LPIN1: variants seen among roughly 807,000 people sequenced by gnomAD.
LPIN1 encodes the protein lipin 1, also known as phosphatidate phosphatase LPIN1.
A neutral mutation model predicts 107.5 loss-of-function variants in LPIN1; 71 were observed. That is an observed-to-expected ratio of 0.66 (90% confidence interval 0.55 to 0.80). LPIN1 has a LOEUF of 0.80. LPIN1 is among the 30% of genes least tolerant of loss of function. LPIN1 has a pLI of 0.00. For synonymous variants in LPIN1, 445 were observed against 452.6 expected, an observed-to-expected ratio of 0.98 and a Z score of 0.21; for missense variants, 1,043 against 1,160.6, an observed-to-expected ratio of 0.90 and a Z score of 1.47.
intron 13 of LPIN1, among the ~76,000 whole-genome samples, chr2:11,794,737 C>T (rs900931260): frequency 2.0e-5 from 3 of 152,216 alleles, no homozygotes; most frequent in Non-Finnish European, 2.9e-5. Flanking sequence ...TCCTCCTTTG[C>T]CTGCTATGTG....
intron 1 of LPIN1, among the ~76,000 whole-genome samples, chr2:11,693,814 ATATATATATTTTTTTTTTTTT>A (rs1464468314): frequency 3.0e-5 from 1 of 32,956 alleles, no homozygotes; most frequent in Non-Finnish European, 6.7e-5. Context: ...ATATATATAT[ATATATATATTTTTTTTTTTTT>A]TTTTTTTTTT....
rs192562131 is a variant in LPIN1 at position 11,685,689 on chromosome 2, C to T, written c.81+7961C>T. 1.4e-4 allele frequency among the ~76,000 whole-genome samples: 21 copies of T among 152,306 alleles called. No homozygotes were observed. The East Asian group carries it at 3.7e-3, about 27-fold the overall frequency. The stretch of plus-strand genomic sequence containing the variant: ...CCCCAGAGGGTAGCAGGTGTCTTTT[C>T]TAGGCATGCCTATGGCAGAGCTAAG... On this transcript the variant is annotated intron_variant, in intron 1 of 21. Transcript: ENST00000449576.
At chr2:11,734,659 T>C (rs913369576) in intron 1 of LPIN1, among the ~76,000 whole-genome samples, 1 of 152,188 alleles carries the variant, frequency 6.6e-6, no homozygotes, top group Admixed American at 6.5e-5. Flanking sequence ...TGGGGTGCTG[T>C]CTTCCCTGAT....
At chr2:11,700,031 G>C (rs776060773) in intron 1 of LPIN1, among the ~76,000 whole-genome samples, 2 of 152,214 alleles carry the variant, frequency 1.3e-5, no homozygotes, top group Non-Finnish European at 2.9e-5. Flanking sequence ...CACATGGTAG[G>C]TGTGTCTTTC....
At chr2:11,728,744 C>A (rs72773972) in intron 1 of LPIN1, among the ~76,000 whole-genome samples, 4,955 of 152,128 alleles carry the variant, frequency 0.033, 91 homozygotes, top group Middle Eastern at 0.058. Flanking sequence ...CTTGGGTTAA[C>A]TAAATACTTT....
chr2:11,679,883 C>T (rs1310834387), intron 1 of LPIN1, among the ~76,000 whole-genome samples: 1 of 152,200 alleles, frequency 6.6e-6, no homozygotes, highest in Non-Finnish European at 1.5e-5. Context: ...GGCCTGGTGG[C>T]CTTGGCCTTG....
intron 17 of LPIN1, among the ~76,000 whole-genome samples, chr2:11,814,876 T>C (rs867645451): frequency 6.6e-6 from 1 of 152,054 alleles, no homozygotes; most frequent in African/African-American, 2.4e-5. Context: ...TTAAACAAAG[T>C]GGGGAATGCA....
intron 2 of LPIN1, among the ~76,000 whole-genome samples, chr2:11,719,218 C>T (rs1663956189): frequency 6.6e-6 from 1 of 151,962 alleles, no homozygotes; most frequent in Non-Finnish European, 1.5e-5. Context: ...GAATTGTTTC[C>T]CCTGTTTGTT....
upstream of LPIN1, chr2:11,722,205 C>T (rs1323253306): frequency 1.3e-5 from 2 of 152,214 alleles, no homozygotes; most frequent in Admixed American, 1.3e-4. Context: ...CTGACTTACT[C>T]ATAGGTCCTT....
intron 5 of LPIN1, among the ~76,000 whole-genome samples, chr2:11,775,540 T>C (rs1672524187): frequency 6.6e-6 from 1 of 152,192 alleles, no homozygotes; most frequent in East Asian, 1.9e-4. Context: ...CATTTCCACA[T>C]TTGGAATTAG....
At chr2:11,698,111 T>C (rs1328862192) in intron 1 of LPIN1, among the ~76,000 whole-genome samples, 1 of 152,194 alleles carries the variant, frequency 6.6e-6, no homozygotes, top group Non-Finnish European at 1.5e-5. Flanking sequence ...TGTTGGTGTC[T>C]GTGACCCAGA....
At chr2:11,717,178 T>G (rs1462902558) in intron 2 of LPIN1, among the ~76,000 whole-genome samples, 1 of 152,202 alleles carries the variant, frequency 6.6e-6, no homozygotes, top group Non-Finnish European at 1.5e-5. Context: ...TGGGAAATAC[T>G]GGCTCACAAT....
At position 11,779,538 on chromosome 2, in the gene LPIN1, T is replaced by C. The variant is rs2148651537; in HGVS notation, c.850T>C (p.Ser284Pro). ...PSESPSGSRP[S>P]TPKSDSELVS... ...CTTAAGTCCTTCCGGTTCCCGACCT[T>C]CAACACCTAAAAGTGATTCAGAATT... The change falls in exon 7 of 21, where the codon TCA (serine) becomes CCA (proline). Residue 284 changes from serine to proline, a missense_variant. Coordinates refer to ENST00000674199, the MANE Select transcript of LPIN1 (RefSeq NM_001349206.2). 6.2e-7 allele frequency: 1 copy of C among 1,613,884 alleles called. No individual in the cohort carries two copies. Among genetic ancestry groups the C allele is most frequent in the South Asian group, 1.1e-5 (1 of 91,072 alleles).
chr2:11,716,441 C>T (rs1376261864), intron 2 of LPIN1, among the ~76,000 whole-genome samples: 1 of 151,698 alleles, frequency 6.6e-6, no homozygotes, highest in Non-Finnish European at 1.5e-5. Context: ...TCCCAGTCTC[C>T]TCTCTCTCTC....
chr2:11,780,174 C>T (rs1673348941), intron 7 of LPIN1, among the ~76,000 whole-genome samples: 1 of 152,192 alleles, frequency 6.6e-6, no homozygotes, highest in East Asian at 1.9e-4. Flanking sequence ...AGCTGCCGTG[C>T]CCAGCCAGGA....
Position 11,803,146 on chromosome 2 carries a change from G to A in LPIN1, c.2013+113G>A. The stretch of plus-strand genomic sequence containing the variant: ...CGTTACTTGTCACCTTTCATCCCAG[G>A]GGGCCTGCAATCCCTCAACTGGGTA... On this transcript the variant is annotated intron_variant, in intron 15 of 20. Coordinates refer to ENST00000674199, the MANE Select transcript of LPIN1 (RefSeq NM_001349206.2). This position sits in a 1 kb window ranked among gnomAD's most constrained non-coding sequence, Gnocchi z 4.2. 1 of 1,455,460 alleles carries A rather than the reference G, an allele frequency of 6.9e-7. No homozygotes were observed. The highest frequency in any genetic ancestry group is 9.5e-7 in the Non-Finnish European group (1 of 1,049,738). The allele number at this position is 1,455,460 out of a possible 1,614,324, so 90.2% of individuals were successfully genotyped here. A position where few individuals can be genotyped will look rare whatever the true frequency, so the allele number is the denominator to read the frequency against.
chr2:11,695,187 C>G (rs1453325173), intron 1 of LPIN1, among the ~76,000 whole-genome samples: 1 of 152,192 alleles, frequency 6.6e-6, no homozygotes, highest in Non-Finnish European at 1.5e-5. Context: ...AAAGTAAACA[C>G]CGCCTTCATG....
At chr2:11,728,848 T>C (rs1480538248) in intron 1 of LPIN1, among the ~76,000 whole-genome samples, 1 of 152,232 alleles carries the variant, frequency 6.6e-6, no homozygotes, top group Non-Finnish European at 1.5e-5. Context: ...ATATCTTTAA[T>C]TATAATTTAT....
At chr2:11,817,280 G>A (rs1216931299) in intron 18 of LPIN1, 1 of 152,256 alleles carries the variant, frequency 6.6e-6, no homozygotes, top group Non-Finnish European at 1.5e-5. Flanking sequence ...GGGTGGATAT[G>A]CGTGTGGTGC....
Sources: gnomAD v4.1 joint callset for allele counts (sites outside exome capture counted in the v4.1 genomes callset) on GRCh38, gnomAD v4.1.1 for gene constraint, Gnocchi (gnomAD v3.1) non-coding constraint, MANE v1.5 for transcripts, NCBI Gene and HGNC (gene_info 2026-07-23, HGNC 2026-07-21) for gene names.